C12orf56: variants seen among roughly 807,000 people sequenced by gnomAD.
The protein encoded by C12orf56 is chromosome 12 open reading frame 56.
C12orf56 carries 71 observed loss-of-function variants against 69.9 expected under a neutral mutation model. The ratio of observed to expected loss-of-function variants is 1.02; its 90% CI spans 0.84 to 1.24. C12orf56 has a LOEUF of 1.24. C12orf56 is among the 50% of genes most tolerant of loss of function. The probability of loss-of-function intolerance (pLI) is 0.00; values close to 1 mark genes in which losing one functional copy is unlikely to be tolerated. For missense variants in C12orf56, 732 were observed against 738.5 expected (o/e 0.99, Z 0.10); for synonymous variants, 276 against 274.1 (o/e 1.01, Z -0.07).
At chr12:64,282,998 C>A (rs569841639) in intron 8 of C12orf56, among the ~76,000 whole-genome samples, 1 of 151,658 alleles carries the variant, frequency 6.6e-6, no homozygotes, top group Admixed American at 6.6e-5. Flanking sequence ...CAAAATTAAC[C>A]GGGCATGGTG....
chr12:64,300,659 A>G (rs1436582799), intron 6 of C12orf56, among the ~76,000 whole-genome samples: 4 of 152,110 alleles, frequency 2.6e-5, no homozygotes, highest in African/African-American at 9.7e-5. Context: ...CCCACACCCT[A>G]AACAAGCAGA....
At chr12:64,367,517 T>C (rs2039513677) in intron 1 of C12orf56, among the ~76,000 whole-genome samples, 2 of 151,236 alleles carry the variant, frequency 1.3e-5, no homozygotes, top group Non-Finnish European at 2.9e-5. Flanking sequence ...TACTCTTTTT[T>C]TTTTTTGAGA....
At position 64,266,028 on chromosome 12, in the gene C12orf56, A is replaced by G. The variant is rs773674829; in HGVS notation, c.*1155T>C. 2.0e-5 allele frequency: 3 copies of G among 152,220 alleles called. No homozygotes were observed. Among genetic ancestry groups the G allele is most frequent in the Non-Finnish European group, 4.4e-5 (3 of 68,032 alleles). The allele number at this position is 152,220 out of a possible 1,614,324, so 9.4% of individuals were successfully genotyped here. On this transcript the variant is annotated 3_prime_UTR_variant, in exon 13 of 13. Transcript: ENST00000543942. The stretch of plus-strand genomic sequence containing the variant: ...TGTTGAAGTCCAAGCTTCTTTCTCT[A>G]TGATAAAAGAGGAAGTGACATTCTA...
intron 2 of C12orf56, among the ~76,000 whole-genome samples, chr12:64,331,465 C>T (rs533173469): frequency 1.3e-5 from 2 of 152,232 alleles, no homozygotes; most frequent in East Asian, 1.9e-4. Context: ...CACACCACTG[C>T]ACTCTAGCCT....
At chr12:64,300,451 CCTTCTTAAT>C (rs1317120855) in intron 6 of C12orf56, among the ~76,000 whole-genome samples, 4 of 152,162 alleles carry the variant, frequency 2.6e-5, no homozygotes, top group Non-Finnish European at 5.9e-5. Flanking sequence ...ACATCAACAT[CCTTCTTAAT>C]CTAACCCTTA....
chr12:64,339,928 A>G (rs1192945440), intron 2 of C12orf56, among the ~76,000 whole-genome samples: 1 of 152,112 alleles, frequency 6.6e-6, no homozygotes, highest in Non-Finnish European at 1.5e-5. Flanking sequence ...GTCCAGGTGG[A>G]TATGATAACT....
chr12:64,304,435 G>A (rs1475916666), intron 5 of C12orf56, among the ~76,000 whole-genome samples: 5 of 152,050 alleles, frequency 3.3e-5, no homozygotes, highest in Non-Finnish European at 7.4e-5. Context: ...ACTGAACCAC[G>A]TGTCTTCCAC....
chr12:64,277,650 A>ATG, intron 9 of C12orf56, 30 bp downstream of exon 9: 1 of 1,393,482 alleles, frequency 7.2e-7, no homozygotes, highest in Non-Finnish European at 9.4e-7. Context: ...ATATATATAT[A>ATG]ATAGTTTACC....
At chr12:64,345,484 C>T (rs904459733) in intron 2 of C12orf56, among the ~76,000 whole-genome samples, 4 of 152,198 alleles carry the variant, frequency 2.6e-5, no homozygotes, top group African/African-American at 9.6e-5. Context: ...CCCACACATT[C>T]CCATTCCAAG....
At chr12:64,270,130 G>T (rs1017915020) in intron 12 of C12orf56, among the ~76,000 whole-genome samples, 4 of 152,064 alleles carry the variant, frequency 2.6e-5, no homozygotes, top group African/African-American at 9.7e-5. Context: ...AGGTGCGGTG[G>T]CTCACACCTG....
intron 1 of C12orf56, among the ~76,000 whole-genome samples, chr12:64,385,964 C>A (rs2039783091): frequency 6.6e-6 from 1 of 152,028 alleles, no homozygotes; most frequent in Admixed American, 6.6e-5. Context: ...GAGTTTGAGA[C>A]CAGCCTGGGA....
intron 2 of C12orf56, among the ~76,000 whole-genome samples, chr12:64,350,506 G>T (rs1481665799): frequency 1.3e-5 from 2 of 152,204 alleles, no homozygotes; most frequent in Admixed American, 1.3e-4. Context: ...TTCCCTTTAA[G>T]GAGTCAAGCT....
chr12:64,355,738 T>A (rs1184786399), intron 1 of C12orf56: 1 of 152,262 alleles, frequency 6.6e-6, no homozygotes, highest in Non-Finnish European at 1.5e-5. Flanking sequence ...TATATACATA[T>A]AGTTTTGTTT....
chr12:64,341,403 C>A (rs2039072384), intron 2 of C12orf56, among the ~76,000 whole-genome samples: 1 of 152,126 alleles, frequency 6.6e-6, no homozygotes, highest in Admixed American at 6.6e-5. Flanking sequence ...GAGAACTCTG[C>A]CCCAGCCCTG....
intron 2 of C12orf56, among the ~76,000 whole-genome samples, chr12:64,341,702 A>G (rs2136885289): frequency 6.6e-6 from 1 of 152,296 alleles, no homozygotes; most frequent in South Asian, 2.1e-4. Flanking sequence ...GTAAGTGTCT[A>G]TTCTGATGAG....
chr12:64,379,927 CAAAAAAAAAA>C (rs200293677), intron 1 of C12orf56, among the ~76,000 whole-genome samples: 12 of 114,116 alleles, frequency 1.1e-4, no homozygotes, highest in African/African-American at 5.1e-4. Context: ...ACTAAAAATA[CAAAAAAAAAA>C]AAAAAAAAAA....
At chr12:64,327,980 T>C (rs1247623947) in intron 3 of C12orf56, among the ~76,000 whole-genome samples, 1 of 152,150 alleles carries the variant, frequency 6.6e-6, no homozygotes, top group East Asian at 1.9e-4. Flanking sequence ...TGGTAATGTG[T>C]TTAGGAAAAA....
At chr12:64,343,669 C>T (rs2039103696) in intron 2 of C12orf56, among the ~76,000 whole-genome samples, 1 of 152,248 alleles carries the variant, frequency 6.6e-6, no homozygotes, top group Admixed American at 6.5e-5. Context: ...CTCCAAGATC[C>T]ATCTGTCTTC....
rs115357111 is a variant in C12orf56 at position 64,371,278 on chromosome 12, A to G, written c.253-18222T>C. On this transcript the variant is annotated intron_variant, in intron 1 of 12. Coordinates refer to ENST00000543942, the MANE Select transcript of C12orf56 (RefSeq NM_001170633.2). ...AAACATTAGCCGGGAGTGGTGGCAC[A>G]CACACGTAATCCTAGCTACTGAGGT... Among the ~76,000 whole-genome samples the G allele has an allele frequency of 7.3e-3, 1,108 of 151,998 alleles. 15 individuals carry two copies. The highest frequency in any genetic ancestry group is 0.025 in the African/African-American group (1,024 of 41,486).
Sources: gnomAD v4.1 joint callset for allele counts (sites outside exome capture counted in the v4.1 genomes callset) on GRCh38, gnomAD v4.1.1 for gene constraint, MANE v1.5 for transcripts, NCBI Gene and HGNC (gene_info 2026-07-23, HGNC 2026-07-21) for gene names.